Variants in SHANK2 observed in about 807,000 individuals in gnomAD.
SHANK2 encodes SH3 and multiple ankyrin repeat domains protein 2.
A neutral mutation model predicts 133.7 loss-of-function variants in SHANK2; 43 were observed. That is an observed-to-expected ratio of 0.32 (90% confidence interval 0.25 to 0.41). The LOEUF (loss-of-function observed/expected upper bound fraction) is 0.41, where lower values mean the gene tolerates loss of function less well. SHANK2 is among the 10% of genes least tolerant of loss of function. The pLI, the probability that SHANK2 is intolerant of heterozygous loss-of-function variation, is 1.00. For missense variants in SHANK2, 1,994 were observed against 2,235.8 expected, an observed-to-expected ratio of 0.89 and a Z score of 2.18; for synonymous variants, 1,017 against 952.8, an observed-to-expected ratio of 1.07 and a Z score of -1.24.
chr11:70,684,044 A>G (rs1400641559), intron 15 of SHANK2, among the ~76,000 whole-genome samples: 1 of 152,050 alleles, frequency 6.6e-6, no homozygotes, highest in Non-Finnish European at 1.5e-5. Flanking sequence ...TCCACCTCCC[A>G]AAGTGCTGAG....
chr11:71,092,545 G>C lies in SHANK2; in HGVS notation c.789C>G (p.Tyr263Ter). 1 of 1,551,936 alleles carries C rather than the reference G, an allele frequency of 6.4e-7. No homozygotes were observed. Among genetic ancestry groups the C allele is most frequent in the Non-Finnish European group, 8.7e-7 (1 of 1,147,044 alleles). ...CTGTGTGATACAGCGGGGTGAGGCC[G>C]TAACTGTCTTTATAATCTGGGGATG... ...LGASPDYKDS[Y>*]GLTPLYHTAI... The change falls in exon 8 of 26, where the codon TAC becomes TAG. Residue 263 changes from tyrosine (Y) to a stop codon, truncating the protein, a stop_gained. Transcript: ENST00000601538. LOFTEE classifies it high-confidence loss of function.
At chr11:71,167,137 G>A (rs1260225606) in intron 2 of SHANK2, among the ~76,000 whole-genome samples, 2 of 152,078 alleles carry the variant, frequency 1.3e-5, no homozygotes, top group Non-Finnish European at 2.9e-5. Flanking sequence ...TCCCAAGGCA[G>A]AAGAATTTTT....
chr11:71,200,616 A>G (rs1360945882), intron 2 of SHANK2, among the ~76,000 whole-genome samples: 1 of 152,048 alleles, frequency 6.6e-6, no homozygotes, highest in Non-Finnish European at 1.5e-5. Flanking sequence ...TTCACTCTAC[A>G]TTTAACTTTT....
intron 15 of SHANK2, among the ~76,000 whole-genome samples, chr11:70,694,956 T>C (rs1555021913): frequency 6.6e-6 from 1 of 152,176 alleles, no homozygotes; most frequent in African/African-American, 2.4e-5. Flanking sequence ...ACAGTCTAGC[T>C]GAGGCCAGTT....
intron 15 of SHANK2, among the ~76,000 whole-genome samples, chr11:70,676,587 C>A (rs1185518992): frequency 6.6e-6 from 1 of 152,234 alleles, no homozygotes; most frequent in African/African-American, 2.4e-5. Flanking sequence ...TGGTCTCAGC[C>A]ACTGTGAGTG....
In SHANK2 at chr11:70,906,589, A is replaced by G. The variant is rs1042596394; in HGVS notation, c.1108-10022T>C. 1.2e-4 allele frequency among the ~76,000 whole-genome samples: 18 copies of G among 152,168 alleles called. 1 individual carries two copies. The highest frequency in any genetic ancestry group is 2.4e-4 in the Non-Finnish European group (16 of 68,034). On this transcript the variant is annotated intron_variant, in intron 10 of 25. Coordinates refer to ENST00000601538, the MANE Select transcript of SHANK2 (RefSeq NM_012309.5). ...TCTGTGATCCTGACACCCCCTCGCC[A>G]TAACTGGAAAATGGCTTCTCGGAAA...
intron 14 of SHANK2, among the ~76,000 whole-genome samples, chr11:70,733,499 C>G (rs1198054815): frequency 6.6e-6 from 1 of 152,206 alleles, no homozygotes; most frequent in East Asian, 1.9e-4. Flanking sequence ...GGGATTGGAA[C>G]CCAGGGCTGC....
intron 14 of SHANK2, among the ~76,000 whole-genome samples, chr11:70,718,391 C>T (rs544795411): frequency 6.6e-6 from 1 of 152,334 alleles, no homozygotes; most frequent in East Asian, 1.9e-4. Context: ...GGAGGTGGCC[C>T]TGGCCCAAGG....
In SHANK2 at chr11:70,487,146, C is replaced by G; in HGVS notation, c.3147G>C (p.Gln1049His). Reference sequence around the variant, plus strand: ...GGGGGTCGATCTCCATGCTGCTGCCCTGGCTGCTCTTGCCGCTGCTGCTGG... The same window carrying G: ...GGGGGTCGATCTCCATGCTGCTGCCGTGGCTGCTCTTGCCGCTGCTGCTGG... Reference protein sequence around the residue: ...PSTSSSGKSSQGSSMEIDPQA... With the variant: ...PSTSSSGKSSHGSSMEIDPQA... The change falls in exon 25 of 26, where the codon CAG becomes CAC. Residue 1049 changes from glutamine (Q) to histidine (H), a missense_variant. Around this residue, in one of 5 missense-constraint regions of SHANK2, gnomAD observed 488 missense variants for 642.6 expected, o/e 0.76. Coordinates refer to ENST00000601538, the MANE Select transcript of SHANK2 (RefSeq NM_012309.5). This position sits in a 1 kb window ranked among gnomAD's most constrained non-coding sequence, Gnocchi z 5.8. The G allele has an allele frequency of 6.2e-7, 1 of 1,612,932 alleles. No homozygotes were observed. The highest frequency in any genetic ancestry group is 8.5e-7 in the Non-Finnish European group (1 of 1,180,022).
At chr11:70,794,315 C>G (rs528854440) in intron 14 of SHANK2, among the ~76,000 whole-genome samples, 8 of 151,882 alleles carry the variant, frequency 5.3e-5, no homozygotes, top group African/African-American at 1.4e-4. Context: ...CCACTGAGTC[C>G]TGCAATACAT....
intron 17 of SHANK2, among the ~76,000 whole-genome samples, chr11:70,560,115 G>T (rs996347765): frequency 2.6e-4 from 39 of 151,970 alleles, no homozygotes; most frequent in African/African-American, 9.4e-4. Context: ...CAAGTGACCT[G>T]CCCGCCTCAG....
In SHANK2 at chr11:70,816,572, G is replaced by A. The variant is rs369817540; in HGVS notation, c.1493+3792C>T. 5.8e-4 allele frequency among the ~76,000 whole-genome samples: 89 copies of A among 152,312 alleles called. 1 individual carries two copies. Among genetic ancestry groups the A allele is most frequent in the African/African-American group, 1.5e-3 (64 of 41,578 alleles). ...CGTTAGTGCCACATGGCCAGGGCCC[G>A]TTGCCCTAGGAAAGAGCTGGTTTTT... On this transcript the variant is annotated intron_variant, in intron 12 of 25. Transcript: ENST00000601538.
At chr11:70,910,420 C>T (rs917371211) in intron 10 of SHANK2, among the ~76,000 whole-genome samples, 2 of 152,160 alleles carry the variant, frequency 1.3e-5, no homozygotes, top group African/African-American at 2.4e-5. Context: ...ACCGCACACT[C>T]GATTGTCACA....
chr11:70,789,937 G>T (rs1349493317), intron 14 of SHANK2, among the ~76,000 whole-genome samples: 1 of 152,228 alleles, frequency 6.6e-6, no homozygotes, highest in Admixed American at 6.5e-5. Flanking sequence ...CTCTGGTGCT[G>T]CTTGGCCTTG....
intron 11 of SHANK2, among the ~76,000 whole-genome samples, chr11:70,875,393 C>T (rs374078598): frequency 6.6e-5 from 10 of 151,674 alleles, no homozygotes; most frequent in East Asian, 3.9e-4. Context: ...GGCGTGGTGG[C>T]AGGCGCCTGT....
At chr11:70,656,674 C>T (rs944333793) in intron 17 of SHANK2, among the ~76,000 whole-genome samples, 2 of 152,082 alleles carry the variant, frequency 1.3e-5, no homozygotes, top group African/African-American at 2.4e-5. Flanking sequence ...TGTCCCTACC[C>T]GTGGGACATT....
intron 2 of SHANK2, among the ~76,000 whole-genome samples, chr11:71,193,236 G>T (rs896956396): frequency 5.9e-5 from 9 of 152,332 alleles, no homozygotes; most frequent in Middle Eastern, 3.4e-3. Context: ...GGCTGAGAGG[G>T]CTTCTGTGGT....
intron 1 of SHANK2, among the ~76,000 whole-genome samples, chr11:71,240,347 T>A (rs1331976113): frequency 4.6e-5 from 7 of 152,288 alleles, no homozygotes; most frequent in African/African-American, 1.7e-4. Context: ...TCTCTCTGAG[T>A]GACAAGCCGT....
At chr11:71,172,253 C>G (rs1014322545) in intron 2 of SHANK2, among the ~76,000 whole-genome samples, 4 of 152,168 alleles carry the variant, frequency 2.6e-5, no homozygotes, top group Non-Finnish European at 4.4e-5. Context: ...CCAAGAAAGG[C>G]GTCAACCTCA....
Sources: allele counts gnomAD v4.1 joint callset (sites outside exome capture counted in the v4.1 genomes callset), GRCh38; gene constraint gnomAD v4.1.1; regional missense constraint gnomAD v4.1.1; non-coding constraint Gnocchi (gnomAD v3.1); transcripts MANE v1.5; gene names NCBI Gene and HGNC (gene_info 2026-07-23, HGNC 2026-07-21).